TCL1A: variants seen among roughly 807,000 people sequenced by gnomAD.
The protein encoded by TCL1A is TCL1 family AKT coactivator A, also known as T-cell leukemia/lymphoma protein 1A.
TCL1A carries 9 observed loss-of-function variants against 16.9 expected under a neutral mutation model. The ratio of observed to expected loss-of-function variants is 0.53; its 90% CI spans 0.32 to 0.93. The LOEUF is 0.93. Among genes scored for constraint, TCL1A ranks in the 40% least tolerant of loss-of-function variants. TCL1A has a pLI of 0.04. For synonymous variants in TCL1A, 69 were observed against 63.2 expected (o/e 1.09, Z -0.44); for missense variants, 139 against 153.0 (o/e 0.91, Z 0.48).
rs1886488665 is a variant in TCL1A, at chr14:95,713,964, G to A, written c.103C>T (p.Leu35=). Residue 35 remains leucine (L), a synonymous_variant, in exon 1 of 4, where the codon CTG becomes TTG. Transcript: ENST00000402399. ...GGCTGTACCTCGATGGTTAAGGGCA[G>A]CCAGGCGTGCTGCTTCTCGTCCAAA... ...VYLDEKQHAW[L]PLTIEIKDRL... 6.2e-7 allele frequency: 1 copy of A among 1,613,974 alleles called. No individual in the cohort carries two copies. The highest frequency in any genetic ancestry group is 8.5e-7 in the Non-Finnish European group (1 of 1,180,034).
chr14:95,710,849 C>G lies in TCL1A; in HGVS notation c.*39G>C, dbSNP rs1015742691. The G allele has an allele frequency of 2.0e-5, 3 of 152,888 alleles. No homozygotes were observed. Among genetic ancestry groups the G allele is most frequent in the Admixed American group, 6.5e-5 (1 of 15,270 alleles). 9.5% of individuals were successfully genotyped at this position (152,888 alleles called of 1,614,324 possible). ...CATTGTAGGCTGGCCAGGCTCAGGC[C>G]CTGGGGTGAAAGGAGACAGGTGCTG... On this transcript the variant is annotated 3_prime_UTR_variant, in exon 4 of 4. Transcript: ENST00000402399.
intron 1 of TCL1A, among the ~76,000 whole-genome samples, chr14:95,713,452 A>C (rs1886435900): frequency 1.3e-5 from 2 of 152,334 alleles, no homozygotes; most frequent in Admixed American, 6.5e-5. Context: ...CGCTTATACT[A>C]CGACATCACT....
intron 1 of TCL1A, among the ~76,000 whole-genome samples, chr14:95,713,559 AG>A (rs1886443416): frequency 6.6e-6 from 1 of 152,280 alleles, no homozygotes. Context: ...TAAACTGTTG[AG>A]GGTTCTTTTT....
At chr14:95,713,850 TAGTG>T (rs1274441214) in intron 1 of TCL1A, 93 bp downstream of exon 1, 11 of 1,550,938 alleles carry the variant, frequency 7.1e-6, no homozygotes, top group Non-Finnish European at 9.6e-6. Flanking sequence ...CCCTGCCCCA[TAGTG>T]AGTGCTCCTT....
rs535944752 is a variant in TCL1A at position 95,710,763 on chromosome 14, C to T, written c.*125G>A. 3 of 152,824 alleles carry T rather than the reference C, an allele frequency of 2.0e-5. No individual in the cohort carries two copies. Among genetic ancestry groups the T allele is most frequent in the African/African-American group, 7.2e-5 (3 of 41,552 alleles). 9.5% of individuals were successfully genotyped at this position (152,824 alleles called of 1,614,324 possible). A position where few individuals can be genotyped will look rare whatever the true frequency, so the allele number is the denominator to read the frequency against. On this transcript the variant is annotated 3_prime_UTR_variant, in exon 4 of 4. Coordinates refer to ENST00000402399, the MANE Select transcript of TCL1A (RefSeq NM_021966.3). ...CTCTGTCTGTCCATTCCTCCCAGAC[C>T]CCAGCGTGGTGGAGAAGACACAGGC...
chr14:95,712,181 C>G, intron 2 of TCL1A, 39 bp downstream of exon 2: 1 of 1,613,490 alleles, frequency 6.2e-7, no homozygotes, highest in Non-Finnish European at 8.5e-7. Context: ...AGGGCAAACC[C>G]AAGATCACCC....
At chr14:95,712,490 C>T (rs937626386) in intron 1 of TCL1A, 94 bp from the exon 2 acceptor site, 13 of 1,523,832 alleles carry the variant, frequency 8.5e-6, no homozygotes, top group Middle Eastern at 2.1e-4. Flanking sequence ...GCCAGCCATC[C>T]ACCCATCTGG....
intron 1 of TCL1A, among the ~76,000 whole-genome samples, chr14:95,713,712 C>T (rs145224919): frequency 6.6e-6 from 1 of 152,334 alleles, no homozygotes; most frequent in Non-Finnish European, 1.5e-5. Context: ...TAGTCACACT[C>T]CACAGGCACT....
intron 1 of TCL1A, among the ~76,000 whole-genome samples, chr14:95,713,107 T>C (rs1040617344): frequency 1.3e-5 from 2 of 152,342 alleles, no homozygotes; most frequent in African/African-American, 2.4e-5. Flanking sequence ...TTGTGGTGGT[T>C]AAGAGCCTAG....
In TCL1A at chr14:95,712,324, T is replaced by A. The variant is rs1566746883; in HGVS notation, c.193A>T (p.Thr65Ser). 2.5e-6 allele frequency: 4 copies of A among 1,614,066 alleles called. No individual in the cohort carries two copies. Among genetic ancestry groups the A allele is most frequent in the Non-Finnish European group, 3.4e-6 (4 of 1,179,998 alleles). Residue 65 changes from threonine to serine, a missense_variant, in exon 2 of 4, where the codon ACC (threonine) becomes TCC (serine). Coordinates refer to ENST00000402399, the MANE Select transcript of TCL1A (RefSeq NM_021966.3). ...GGCAGCAGGCTTGGGCCTATCTGGG[T>A]GGGGGTCATAGGCCTCCCCAGGACG... is the stretch of plus-strand genomic sequence containing the variant. Reference protein sequence around the residue: ...DVVLGRPMTPTQIGPSLLPIM... With the variant: ...DVVLGRPMTPSQIGPSLLPIM...
intron 1 of TCL1A, 118 bp downstream of exon 1, chr14:95,713,829 G>T: frequency 6.8e-7 from 1 of 1,480,274 alleles, no homozygotes; most frequent in African/African-American, 1.4e-5. Flanking sequence ...GGCTTCATCT[G>T]TGGGGATCCT....
At position 95,714,046 on chromosome 14, in the gene TCL1A, G is replaced by A. The variant is rs768263629; in HGVS notation, c.21C>T (p.Leu7=). ...CCGGGTGGTCGGTGACTGCCTCCCCGAGTGTCGGGCACTCGGCCATGGCGT... is the reference window on the plus strand; with the variant it reads ...CCGGGTGGTCGGTGACTGCCTCCCCAAGTGTCGGGCACTCGGCCATGGCGT... The part of the protein sequence containing the change: MAECPT[L]GEAVTDHPDR... Residue 7 remains leucine (L), a synonymous_variant, in exon 1 of 4, where the codon CTC becomes CTT. Coordinates refer to ENST00000402399, the MANE Select transcript of TCL1A (RefSeq NM_021966.3). 3.7e-6 allele frequency: 6 copies of A among 1,613,978 alleles called. No individual in the cohort carries two copies. Among genetic ancestry groups the A allele is most frequent in the Admixed American group, 3.3e-5 (2 of 60,034 alleles).
At chr14:95,713,852 G>A (rs1213178067) in intron 1 of TCL1A, 95 bp downstream of exon 1, 6 of 1,555,552 alleles carry the variant, frequency 3.9e-6, no homozygotes, top group Admixed American at 1.8e-5. Context: ...CTGCCCCATA[G>A]TGAGTGCTCC....
intron 1 of TCL1A, 46 bp downstream of exon 1, chr14:95,713,901 G>C (rs957840502): frequency 6.2e-6 from 10 of 1,606,662 alleles, no homozygotes; most frequent in Non-Finnish European, 8.5e-6. Flanking sequence ...CAAGCTCCCA[G>C]GGGCTGCCCC....
In TCL1A at chr14:95,714,114, C is replaced by T. The variant is rs1595068652; in HGVS notation, c.-48G>A. The T allele has an allele frequency of 1.2e-6, 2 of 1,604,946 alleles. No homozygotes were observed. The highest frequency in any genetic ancestry group is 1.1e-5 in the South Asian group (1 of 90,678). On this transcript the variant is annotated 5_prime_UTR_variant, in exon 1 of 4. Coordinates refer to ENST00000402399, the MANE Select transcript of TCL1A (RefSeq NM_021966.3). ...AGCAAGAGCCAGAGCCTCTCAAGGCCGCTCGCTGGTCCCTGGGATGTGGGG... is the reference window on the plus strand; with the variant it reads ...AGCAAGAGCCAGAGCCTCTCAAGGCTGCTCGCTGGTCCCTGGGATGTGGGG...
intron 1 of TCL1A, 44 bp downstream of exon 1, chr14:95,713,903 G>T (rs200858233): frequency 3.7e-6 from 6 of 1,607,288 alleles, no homozygotes; most frequent in South Asian, 3.3e-5. Context: ...AGCTCCCAGG[G>T]GCTGCCCCTG....
At chr14:95,713,681 T>G (rs1478456472) in intron 1 of TCL1A, among the ~76,000 whole-genome samples, 1 of 152,266 alleles carries the variant, frequency 6.6e-6, no homozygotes, top group South Asian at 2.1e-4. Context: ...GCCCAGAAAA[T>G]GCCTGCTGTA....
intron 1 of TCL1A, 39 bp downstream of exon 1, chr14:95,713,908 C>T (rs916445610): frequency 1.2e-6 from 2 of 1,608,604 alleles, no homozygotes; most frequent in Non-Finnish European, 1.7e-6. Context: ...CCAGGGGCTG[C>T]CCCTGCTGCC....
intron 3 of TCL1A, 76 bp downstream of exon 3, chr14:95,711,673 T>C (rs1224386134): frequency 6.5e-7 from 1 of 1,548,664 alleles, no homozygotes. Flanking sequence ...AGCACTGCCT[T>C]CATGGAGAAG....
Sources: allele counts gnomAD v4.1 joint callset (sites outside exome capture counted in the v4.1 genomes callset), GRCh38; gene constraint gnomAD v4.1.1; transcripts MANE v1.5; gene names NCBI Gene and HGNC (gene_info 2026-07-23, HGNC 2026-07-21).